Variants in KCNMB2 observed in about 807,000 individuals in gnomAD.
The protein encoded by KCNMB2 is potassium calcium-activated channel subfamily M regulatory beta subunit 2, also known as calcium-activated potassium channel subunit beta-2.
A neutral mutation model predicts 24.5 loss-of-function variants in KCNMB2; 9 were observed. The observed-to-expected ratio is 0.37, with a 90% CI of 0.22 to 0.64. The LOEUF is 0.64. Among genes scored for constraint, KCNMB2 ranks in the 30% least tolerant of loss-of-function variants. The pLI is 0.63. For missense variants in KCNMB2, 226 were observed against 284.3 expected, an observed-to-expected ratio of 0.79 and a Z score of 1.47; for synonymous variants, 109 against 104.4, an observed-to-expected ratio of 1.04 and a Z score of -0.27.
At chr3:178,733,861 C>T (rs1367044081) in intron 1 of KCNMB2, among the ~76,000 whole-genome samples, 2 of 152,104 alleles carry the variant, frequency 1.3e-5, no homozygotes, top group Non-Finnish European at 2.9e-5. Flanking sequence ...AGCAAAAAAA[C>T]TCAGAAGAAC....
intron 1 of KCNMB2, among the ~76,000 whole-genome samples, chr3:178,727,554 A>G (rs1028434311): frequency 2.0e-5 from 3 of 152,166 alleles, no homozygotes; most frequent in Non-Finnish European, 4.4e-5. Flanking sequence ...TTAGAAGTGG[A>G]GAAAACTTTT....
At chr3:178,726,325 A>G (rs1323152117) in intron 1 of KCNMB2, among the ~76,000 whole-genome samples, 1 of 151,936 alleles carries the variant, frequency 6.6e-6, no homozygotes, top group Non-Finnish European at 1.5e-5. Flanking sequence ...ATACTTAAAG[A>G]ATTCAAGAGG....
chr3:178,796,987 A>C (rs998500838), intron 1 of KCNMB2, among the ~76,000 whole-genome samples: 1 of 152,068 alleles, frequency 6.6e-6, no homozygotes, highest in African/African-American at 2.4e-5. Context: ...AAGTTGAAAA[A>C]CCATTAGCCA....
intron 1 of KCNMB2, among the ~76,000 whole-genome samples, chr3:178,583,893 T>A (rs1577027816): frequency 6.6e-6 from 1 of 152,226 alleles, no homozygotes; most frequent in East Asian, 1.9e-4. Flanking sequence ...CCTGTTCTCA[T>A]GGCCTGAAAG....
At chr3:178,813,948 CGTTGTT>C (rs201495357) in intron 2 of KCNMB2, among the ~76,000 whole-genome samples, 10 of 149,590 alleles carry the variant, frequency 6.7e-5, no homozygotes, top group South Asian at 4.3e-4. Context: ...AACTTCACTA[CGTTGTT>C]GTTGTTGTTG....
At chr3:178,586,538 C>CTTTTTTTTTTTTTTTTTTTCTTTTTT (rs1717440088) in intron 1 of KCNMB2, among the ~76,000 whole-genome samples, 1 of 68,498 alleles carries the variant, frequency 1.5e-5, no homozygotes, top group African/African-American at 5.7e-5. Context: ...TTTTTTCTTT[C>CTTTTTTTTTTTTTTTTTTTCTTTTTT]TTTTTTTTTT....
At chr3:178,799,737 G>T (rs1459759821) in intron 1 of KCNMB2, among the ~76,000 whole-genome samples, 1 of 152,004 alleles carries the variant, frequency 6.6e-6, no homozygotes, top group Non-Finnish European at 1.5e-5. Flanking sequence ...TGAGCAAAAA[G>T]AGCACAACTG....
chr3:178,595,177 C>T lies in KCNMB2; in HGVS notation c.-68+58466C>T, dbSNP rs559414694. ...AATTTGTCACATCCTCACATGATGG[C>T]TAACAGTTTCCAGTGTGCTTTATCA... On this transcript the variant is annotated intron_variant, in intron 1 of 4. Transcript: ENST00000452583. 3.3e-5 allele frequency among the ~76,000 whole-genome samples: 5 copies of T among 152,066 alleles called. No individual in the cohort carries two copies. In the South Asian group the frequency reaches 1.0e-3, roughly 31 times the overall value.
intron 1 of KCNMB2, among the ~76,000 whole-genome samples, chr3:178,685,543 C>A (rs1465927295): frequency 6.6e-6 from 1 of 152,206 alleles, no homozygotes; most frequent in African/African-American, 2.4e-5. Context: ...AATCCATCAG[C>A]CACATCAACA....
intron 1 of KCNMB2, among the ~76,000 whole-genome samples, chr3:178,629,405 C>T (rs930693222): frequency 3.9e-5 from 6 of 152,104 alleles, no homozygotes; most frequent in Non-Finnish European, 7.4e-5. Context: ...AAGTGAAGGG[C>T]AAATTTCTTA....
intron 1 of KCNMB2, among the ~76,000 whole-genome samples, chr3:178,639,794 C>T (rs1039660154): frequency 1.3e-5 from 2 of 152,186 alleles, no homozygotes; most frequent in African/African-American, 4.8e-5. Flanking sequence ...CTACGTGTGC[C>T]ATGTGGTTCT....
At chr3:178,698,917 C>T (rs937191292) in intron 1 of KCNMB2, among the ~76,000 whole-genome samples, 6 of 152,206 alleles carry the variant, frequency 3.9e-5, no homozygotes, top group Non-Finnish European at 7.3e-5. Context: ...CTGCATGCTC[C>T]AACTCTGGGG....
chr3:178,610,046 T>C lies in KCNMB2; in HGVS notation c.-68+73335T>C, dbSNP rs1718426594. 3.9e-5 allele frequency among the ~76,000 whole-genome samples: 6 copies of C among 152,346 alleles called. 1 individual carries two copies. The Middle Eastern group carries it at 0.02, about 518-fold the overall frequency. Reference sequence around the variant, plus strand: ...ATTGAAGAGACTATCTTTTTTCCAGTGTATATTCTTTACACCTTTGTCAAA... The same window carrying C: ...ATTGAAGAGACTATCTTTTTTCCAGCGTATATTCTTTACACCTTTGTCAAA... On this transcript the variant is annotated intron_variant, in intron 1 of 4. Coordinates refer to ENST00000452583, the MANE Select transcript of KCNMB2 (RefSeq NM_181361.3).
In KCNMB2 at chr3:178,616,494, C is replaced by T. The variant is rs536322856; in HGVS notation, c.-68+79783C>T. Among the ~76,000 whole-genome samples, 4 of 152,242 alleles carry T rather than the reference C, an allele frequency of 2.6e-5. No homozygotes were observed. In the East Asian group the frequency reaches 5.8e-4, roughly 22 times the overall value. On this transcript the variant is annotated intron_variant, in intron 1 of 4. Coordinates refer to ENST00000452583, the MANE Select transcript of KCNMB2 (RefSeq NM_181361.3). Reference sequence around the variant, plus strand: ...CCTCGAAATTGCTGTGTTCTCCCTCCCCCAGCATCCAGAGACACTCTCTGC... The same window carrying T: ...CCTCGAAATTGCTGTGTTCTCCCTCTCCCAGCATCCAGAGACACTCTCTGC...
chr3:178,673,606 C>A (rs376531152), intron 1 of KCNMB2, among the ~76,000 whole-genome samples: 10 of 152,224 alleles, frequency 6.6e-5, no homozygotes, highest in African/African-American at 2.2e-4. Flanking sequence ...CTTCACTTTG[C>A]ACTGGAGCCC....
intron 1 of KCNMB2, among the ~76,000 whole-genome samples, chr3:178,668,290 C>T (rs1720787609): frequency 6.6e-6 from 1 of 152,030 alleles, no homozygotes; most frequent in Non-Finnish European, 1.5e-5. Context: ...CTCAGAGGGT[C>T]CAAGGCACAG....
At chr3:178,718,757 C>A (rs1471459879) in intron 1 of KCNMB2, among the ~76,000 whole-genome samples, 1 of 152,186 alleles carries the variant, frequency 6.6e-6, no homozygotes, top group East Asian at 1.9e-4. Context: ...AATCATGAAG[C>A]ACTTTAGCAT....
intron 1 of KCNMB2, among the ~76,000 whole-genome samples, chr3:178,614,223 G>A (rs1465643620): frequency 5.1e-5 from 6 of 117,564 alleles, no homozygotes; most frequent in Middle Eastern, 5.6e-3. Context: ...TGCTGATAAA[G>A]ACATACCTAA....
Position 178,842,857 on chromosome 3 carries a change from G to T in KCNMB2, c.628G>T (p.Gly210Cys), listed in dbSNP as rs747880751. The change falls in exon 5 of 5, where the codon GGT becomes TGT. Residue 210 changes from glycine to cysteine, a missense_variant. By Grantham distance (159) the Gly-to-Cys change is radical. Coordinates refer to ENST00000452583, the MANE Select transcript of KCNMB2 (RefSeq NM_181361.3). The part of the protein sequence containing the change: ...LFWPTCMMAG[G>C]VAIVAMVKLT... ...CTGGCCAACCTGTATGATGGCTGGG[G>T]GTGTGGCAATTGTTGCCATGGTGAA... The T allele has an allele frequency of 1.2e-6, 2 of 1,613,878 alleles. No homozygotes were observed. Among genetic ancestry groups the T allele is most frequent in the Non-Finnish European group, 1.7e-6 (2 of 1,179,838 alleles).
Sources: allele counts gnomAD v4.1 joint callset (sites outside exome capture counted in the v4.1 genomes callset), GRCh38; gene constraint gnomAD v4.1.1; transcripts MANE v1.5; gene names NCBI Gene and HGNC (gene_info 2026-07-23, HGNC 2026-07-21).